ATP10B: variants seen among roughly 807,000 people sequenced by gnomAD.
The protein encoded by ATP10B is phospholipid-transporting ATPase VB.
In ATP10B, 122 loss-of-function variants were observed where a neutral mutation model predicts 141.2. The observed-to-expected ratio is 0.86, with a 90% CI of 0.75 to 1.00. The LOEUF is 1.00. Among genes scored for constraint, ATP10B ranks in the 50% least tolerant of loss-of-function variants. The pLI is 0.00. For missense variants in ATP10B, 1,876 were observed against 1,825.3 expected (o/e 1.03, Z -0.51); for synonymous variants, 685 against 692.0 (o/e 0.99, Z 0.16).
chr5:160,738,332 A>G (rs1767257346), intron 2 of ATP10B, among the ~76,000 whole-genome samples: 1 of 152,102 alleles, frequency 6.6e-6, no homozygotes, highest in Admixed American at 6.5e-5. Flanking sequence ...AAAAGGTGTG[A>G]AAACTCAAGG....
intron 1 of ATP10B, among the ~76,000 whole-genome samples, chr5:160,821,151 A>T (rs1430534544): frequency 6.6e-6 from 1 of 152,158 alleles, no homozygotes; most frequent in Non-Finnish European, 1.5e-5. Flanking sequence ...CAGCACAGAA[A>T]ATTATTCAGT....
the ATP10B span, among the ~76,000 whole-genome samples, chr5:160,908,850 A>T: frequency 6.6e-6 from 1 of 151,580 alleles, no homozygotes; most frequent in South Asian, 2.1e-4. Context: ...CACCATCAAC[A>T]CTCCTTCTGT....
At chr5:160,648,829 C>T (rs1340746971) in intron 8 of ATP10B, among the ~76,000 whole-genome samples, 2 of 151,636 alleles carry the variant, frequency 1.3e-5, no homozygotes, top group Non-Finnish European at 2.9e-5. Context: ...TTCTTACCTA[C>T]AATGCAATAT....
intron 7 of ATP10B, among the ~76,000 whole-genome samples, chr5:160,656,671 A>T (rs546306344): frequency 1.1e-3 from 161 of 152,264 alleles, no homozygotes; most frequent in South Asian, 2.1e-3. Flanking sequence ...CATTGAAAGG[A>T]CAACCTCTTT....
intron 2 of ATP10B, among the ~76,000 whole-genome samples, chr5:160,722,761 G>T (rs1329932234): frequency 6.6e-6 from 1 of 152,122 alleles, no homozygotes; most frequent in Non-Finnish European, 1.5e-5. Flanking sequence ...ATCTAATTGG[G>T]TCCTTGCCCT....
At chr5:160,627,520 G>T in intron 13 of ATP10B, among the ~76,000 whole-genome samples, 1 of 152,146 alleles carries the variant, frequency 6.6e-6, no homozygotes, top group East Asian at 1.9e-4. Flanking sequence ...TTTGTTGTTG[G>T]TGAGTGTCTC....
chr5:160,697,370 G>A (rs992606756), intron 3 of ATP10B, among the ~76,000 whole-genome samples: 21 of 152,078 alleles, frequency 1.4e-4, no homozygotes, highest in African/African-American at 4.1e-4. Flanking sequence ...GGGGAAGGCC[G>A]AACTTTAGCA....
chr5:160,735,258 C>T (rs1352627861), intron 2 of ATP10B, among the ~76,000 whole-genome samples: 1 of 151,548 alleles, frequency 6.6e-6, no homozygotes, highest in Non-Finnish European at 1.5e-5. Context: ...AAGAAACATG[C>T]TTCACTTATA....
At chr5:160,679,038 A>G (rs1208039649) in intron 6 of ATP10B, among the ~76,000 whole-genome samples, 2 of 152,234 alleles carry the variant, frequency 1.3e-5, no homozygotes, top group Non-Finnish European at 2.9e-5. Flanking sequence ...TCACTATTTA[A>G]AGATGAAACA....
At chr5:160,580,098 A>G (rs892192608) in intron 24 of ATP10B, among the ~76,000 whole-genome samples, 6 of 152,224 alleles carry the variant, frequency 3.9e-5, no homozygotes, top group African/African-American at 1.4e-4. Context: ...CAATCATGTT[A>G]TCTGCAAACA....
chr5:160,717,650 G>A (rs940645908), intron 2 of ATP10B, among the ~76,000 whole-genome samples: 4 of 152,168 alleles, frequency 2.6e-5, no homozygotes, highest in Admixed American at 6.5e-5. Flanking sequence ...GATCCCTGGC[G>A]CTAAAACTAT....
chr5:160,816,798 T>G (rs1773669953), intron 1 of ATP10B, among the ~76,000 whole-genome samples: 1 of 152,198 alleles, frequency 6.6e-6, no homozygotes, highest in African/African-American at 2.4e-5. Context: ...AAAAAGCTTA[T>G]CCGCCATGAT....
rs1035340664 is a variant in ATP10B at position 160,566,548 on chromosome 5, C to T, written c.3939-648G>A. Among the ~76,000 whole-genome samples, 9 of 152,250 alleles carry T rather than the reference C, an allele frequency of 5.9e-5. No individual in the cohort carries two copies. The South Asian group carries it at 6.2e-4, about 11-fold the overall frequency. ...GTGAGATTCCTAAGGTCTCCTGAGA[C>T]GTTAACGGATCTCCCTGTTGACTGA... On this transcript the variant is annotated intron_variant, in intron 25 of 25. Coordinates refer to ENST00000327245, the MANE Select transcript of ATP10B (RefSeq NM_025153.3).
intron 3 of ATP10B, among the ~76,000 whole-genome samples, chr5:160,702,229 T>C (rs997146931): frequency 1.3e-5 from 2 of 152,256 alleles, no homozygotes; most frequent in Non-Finnish European, 2.9e-5. Context: ...TTCTATTATC[T>C]CATTTTATTC....
At chr5:160,762,864 G>A (rs192344255) in intron 2 of ATP10B, among the ~76,000 whole-genome samples, 121 of 152,154 alleles carry the variant, frequency 8.0e-4, no homozygotes, top group African/African-American at 2.9e-3. Context: ...TAAAGGGATG[G>A]AAAAAGATAT....
chr5:160,923,672 C>T, the ATP10B span, among the ~76,000 whole-genome samples: 1 of 152,192 alleles, frequency 6.6e-6, no homozygotes, highest in African/African-American at 2.4e-5. Context: ...TGCATAAATA[C>T]CACTTATGAG....
At chr5:160,591,594 C>T (rs1374958207) in intron 22 of ATP10B, among the ~76,000 whole-genome samples, 4 of 151,880 alleles carry the variant, frequency 2.6e-5, no homozygotes, top group Non-Finnish European at 4.4e-5. Context: ...AATCGTAGCT[C>T]GAATCACAGG....
intron 24 of ATP10B, among the ~76,000 whole-genome samples, chr5:160,589,375 TGTTA>T (rs1756124217): frequency 6.6e-6 from 1 of 152,220 alleles, no homozygotes. Flanking sequence ...TTTTAATATA[TGTTA>T]GTTTTAACAT....
intron 19 of ATP10B, 87 bp downstream of exon 19, chr5:160,606,678 T>C: frequency 7.3e-7 from 1 of 1,373,376 alleles, no homozygotes; most frequent in Non-Finnish European, 1.0e-6. Context: ...GCATTCTGAC[T>C]TTGAGACCTG....
Sources: allele counts gnomAD v4.1 joint callset (sites outside exome capture counted in the v4.1 genomes callset), GRCh38; gene constraint gnomAD v4.1.1; transcripts MANE v1.5; gene names NCBI Gene and HGNC (gene_info 2026-07-23, HGNC 2026-07-21).